KLF12: variants seen among roughly 807,000 people sequenced by gnomAD.
KLF12 encodes Krueppel-like factor 12.
A neutral mutation model predicts 37.8 loss-of-function variants in KLF12; 9 were observed. The ratio of observed to expected loss-of-function variants is 0.24; its 90% CI spans 0.14 to 0.42. The LOEUF (loss-of-function observed/expected upper bound fraction) is 0.42, where lower values mean the gene tolerates loss of function less well. Ranked by LOEUF, KLF12 falls within the 10% of genes least tolerant of loss-of-function variation. The probability of loss-of-function intolerance (pLI) is 1.00; values close to 1 mark genes in which losing one functional copy is unlikely to be tolerated. For synonymous variants in KLF12, 208 were observed against 202.1 expected, an observed-to-expected ratio of 1.03 and a Z score of -0.25; for missense variants, 411 against 516.0, an observed-to-expected ratio of 0.80 and a Z score of 1.97.
At chr13:73,970,087 C>A (rs143886239) in intron 2 of KLF12, among the ~76,000 whole-genome samples, 1 of 152,014 alleles carries the variant, frequency 6.6e-6, no homozygotes, top group Non-Finnish European at 1.5e-5. Context: ...ATAGCTGGTG[C>A]AATTTTGTAT....
intron 3 of KLF12, among the ~76,000 whole-genome samples, chr13:73,914,363 G>A (rs1888713438): frequency 6.6e-6 from 1 of 152,164 alleles, no homozygotes; most frequent in African/African-American, 2.4e-5. Flanking sequence ...GCAGGGGGTG[G>A]TTGTGCTTAT....
At chr13:74,094,191 G>T (rs1033926236) in intron 1 of KLF12, among the ~76,000 whole-genome samples, 2 of 152,050 alleles carry the variant, frequency 1.3e-5, no homozygotes, top group African/African-American at 4.8e-5. Context: ...AGTAGAAAAG[G>T]TTTAAAATCT....
At chr13:74,167,797 A>G in the KLF12 span, among the ~76,000 whole-genome samples, 1 of 152,226 alleles carries the variant, frequency 6.6e-6, no homozygotes, top group African/African-American at 2.4e-5. Context: ...CTTATTATCA[A>G]AACAGCAATG....
At chr13:74,122,387 T>C (rs1042143148) in intron 1 of KLF12, among the ~76,000 whole-genome samples, 7 of 152,060 alleles carry the variant, frequency 4.6e-5, no homozygotes, top group Non-Finnish European at 8.8e-5. Flanking sequence ...TACCACACAA[T>C]TATCAGACTG....
intron 1 of KLF12, among the ~76,000 whole-genome samples, chr13:74,001,310 C>G (rs1892275451): frequency 6.6e-6 from 1 of 152,208 alleles, no homozygotes; most frequent in South Asian, 2.1e-4. Context: ...TAAAATGTAG[C>G]TGCGTGATGT....
At chr13:74,270,084 A>G in the KLF12 span, among the ~76,000 whole-genome samples, 9 of 152,270 alleles carry the variant, frequency 5.9e-5, no homozygotes, top group African/African-American at 2.2e-4. Context: ...TCAGTGTTGT[A>G]TAACATAAAA....
chr13:74,085,548 C>A (rs1042750739), intron 1 of KLF12, among the ~76,000 whole-genome samples: 47 of 152,268 alleles, frequency 3.1e-4, no homozygotes, highest in African/African-American at 1.1e-3. Context: ...TTTCCAGATA[C>A]AAATGTCAAA....
At position 74,112,184 on chromosome 13, in the gene KLF12, G is replaced by A. The variant is rs536099627; in HGVS notation, c.-32+21555C>T. On this transcript the variant is annotated intron_variant, in intron 1 of 7. Coordinates refer to ENST00000377669, the MANE Select transcript of KLF12 (RefSeq NM_007249.5). ...ATTTTTAAAGGGCTGTTAAATAAAC[G>A]TTTATGTGTGTGTGTGCATCTGTGT... Among the ~76,000 whole-genome samples the A allele has an allele frequency of 6.9e-4, 98 of 141,230 alleles. 1 individual carries two copies. The highest frequency in any genetic ancestry group is 2.2e-3 in the African/African-American group (90 of 41,050). 92.7% of individuals were successfully genotyped at this position (141,230 alleles called of 152,430 possible).
chr13:73,952,829 T>C (rs1890694054), intron 2 of KLF12, among the ~76,000 whole-genome samples: 1 of 152,154 alleles, frequency 6.6e-6, no homozygotes, highest in Non-Finnish European at 1.5e-5. Context: ...GAAGCTGACT[T>C]ACAAAGATGT....
At chr13:73,883,719 T>C (rs143612471) in intron 3 of KLF12, among the ~76,000 whole-genome samples, 70 of 152,328 alleles carry the variant, frequency 4.6e-4, no homozygotes, top group African/African-American at 1.7e-3. Context: ...GGCATGTACA[T>C]AGTTTAACTG....
chr13:73,964,224 C>T (rs532836231), intron 2 of KLF12, among the ~76,000 whole-genome samples: 1 of 152,116 alleles, frequency 6.6e-6, no homozygotes, highest in Non-Finnish European at 1.5e-5. Flanking sequence ...TTCACACACC[C>T]ACACCAACTA....
chr13:73,890,786 A>G (rs1277503160), intron 3 of KLF12, among the ~76,000 whole-genome samples: 2 of 152,018 alleles, frequency 1.3e-5, no homozygotes, highest in Non-Finnish European at 2.9e-5. Flanking sequence ...TTAACCCTAT[A>G]AGGAAAGTAA....
chr13:74,103,579 C>A (rs1593902789), intron 1 of KLF12, among the ~76,000 whole-genome samples: 1 of 152,148 alleles, frequency 6.6e-6, no homozygotes, highest in Admixed American at 6.5e-5. Context: ...AACTCCATAT[C>A]TTCGGTTGGA....
intron 4 of KLF12, among the ~76,000 whole-genome samples, chr13:73,824,999 G>A (rs1453647904): frequency 6.6e-6 from 1 of 152,012 alleles, no homozygotes; most frequent in Non-Finnish European, 1.5e-5. Context: ...AACCCAGGAG[G>A]CGGAGGTTGC....
At chr13:74,198,305 T>C in the KLF12 span, among the ~76,000 whole-genome samples, 50 of 152,180 alleles carry the variant, frequency 3.3e-4, no homozygotes, top group African/African-American at 1.2e-3. Context: ...CAAAGGCTGT[T>C]AGAAAAAATA....
chr13:73,796,970 C>T (rs1239496578), intron 5 of KLF12, among the ~76,000 whole-genome samples: 1 of 152,034 alleles, frequency 6.6e-6, no homozygotes, highest in Non-Finnish European at 1.5e-5. Context: ...CTAGAACTAA[C>T]TGGTGGTAAA....
At chr13:73,868,234 C>A (rs1163114891) in intron 3 of KLF12, among the ~76,000 whole-genome samples, 1 of 134,204 alleles carries the variant, frequency 7.5e-6, no homozygotes, top group African/African-American at 2.8e-5. Flanking sequence ...ATCACTTGAA[C>A]CCAGGAGGTG....
intron 3 of KLF12, among the ~76,000 whole-genome samples, chr13:73,853,554 T>C (rs1346035021): frequency 1.3e-5 from 2 of 152,184 alleles, no homozygotes; most frequent in Middle Eastern, 3.4e-3. Context: ...CTGACCAACA[T>C]GGTGAAACCC....
intron 1 of KLF12, among the ~76,000 whole-genome samples, chr13:74,078,268 C>T (rs1168623646): frequency 6.6e-6 from 1 of 152,176 alleles, no homozygotes; most frequent in African/African-American, 2.4e-5. Flanking sequence ...AATTAGTCTC[C>T]TCTTTCATAA....
Sources: gnomAD v4.1 joint callset for allele counts (sites outside exome capture counted in the v4.1 genomes callset) on GRCh38, gnomAD v4.1.1 for gene constraint, MANE v1.5 for transcripts, NCBI Gene and HGNC (gene_info 2026-07-23, HGNC 2026-07-21) for gene names.